FMNL2: variants seen among roughly 807,000 people sequenced by gnomAD.
FMNL2 encodes formin-like protein 2.
Under a neutral mutation model 130.2 loss-of-function variants are expected in FMNL2, and 51 were observed. That is an observed-to-expected ratio of 0.39 (90% confidence interval 0.31 to 0.49). The LOEUF (loss-of-function observed/expected upper bound fraction) is 0.49, where lower values mean the gene tolerates loss of function less well. Among genes scored for constraint, FMNL2 ranks in the 20% least tolerant of loss-of-function variants. FMNL2 has a pLI of 0.85. For missense variants in FMNL2, 977 were observed against 1,316.2 expected, an observed-to-expected ratio of 0.74 and a Z score of 3.99; for synonymous variants, 465 against 467.1, an observed-to-expected ratio of 1.00 and a Z score of 0.06.
intron 1 of FMNL2, among the ~76,000 whole-genome samples, chr2:152,348,911 T>C (rs1405407570): frequency 8.6e-6 from 1 of 116,486 alleles, no homozygotes; most frequent in Admixed American, 8.9e-5. Context: ...CTCGGCTCAC[T>C]GCAAGCTCCG....
chr2:152,368,493 G>A lies in FMNL2; in HGVS notation c.117+32773G>A, dbSNP rs1346333306. Among the ~76,000 whole-genome samples, 2 of 151,520 alleles carry A rather than the reference G, an allele frequency of 1.3e-5. 1 individual carries two copies. Among genetic ancestry groups the A allele is most frequent in the South Asian group, 4.2e-4 (2 of 4,802 alleles). On this transcript the variant is annotated intron_variant, in intron 1 of 25. Coordinates refer to ENST00000288670, the MANE Select transcript of FMNL2 (RefSeq NM_052905.4). ...TTTTTTTTTTTAAGCAGTAAAAATA[G>A]CAACTAATTCTTCCTTGAGGGAACT...
chr2:152,451,985 GC>G (rs2105071546), intron 1 of FMNL2, among the ~76,000 whole-genome samples: 1 of 152,236 alleles, frequency 6.6e-6, no homozygotes, highest in East Asian at 1.9e-4. Flanking sequence ...GGGCTCCCTG[GC>G]CTTGATCTGA....
chr2:152,445,924 C>A (rs1018889565), intron 1 of FMNL2, among the ~76,000 whole-genome samples: 4 of 152,178 alleles, frequency 2.6e-5, no homozygotes, highest in Non-Finnish European at 2.9e-5. Flanking sequence ...CTTCTTTTTT[C>A]CAAAAACATT....
chr2:152,611,918 A>G (rs899403824), intron 11 of FMNL2, among the ~76,000 whole-genome samples: 1 of 152,036 alleles, frequency 6.6e-6, no homozygotes, highest in Non-Finnish European at 1.5e-5. Flanking sequence ...TGCATCCTTC[A>G]TCTGGGCTAT....
At position 152,626,580 on chromosome 2, in the gene FMNL2, C is replaced by G; in HGVS notation, c.2018C>G (p.Ala673Gly). Residue 673 changes from alanine (A) to glycine (G), a missense_variant, in exon 17 of 26, where the codon GCC becomes GGC. This residue lies in a region of FMNL2 where 689 missense variants were observed against 995.9 expected (regional missense o/e 0.69). Coordinates refer to ENST00000288670, the MANE Select transcript of FMNL2 (RefSeq NM_052905.4). ...EIFKTKAQGPAIDLSSSKQKI... is the reference protein window; with the variant it reads ...EIFKTKAQGPGIDLSSSKQKI... ...TTCAAGACAAAAGCCCAAGGACCTGCCATTGATCTTTCTTCAAGCAAACAG... is the reference window on the plus strand; with the variant it reads ...TTCAAGACAAAAGCCCAAGGACCTGGCATTGATCTTTCTTCAAGCAAACAG... 6.2e-7 allele frequency: 1 copy of G among 1,612,310 alleles called. No homozygotes were observed. Among genetic ancestry groups the G allele is most frequent in the East Asian group, 2.2e-5 (1 of 44,840 alleles).
At chr2:152,550,458 T>A (rs1304073655) in intron 4 of FMNL2, among the ~76,000 whole-genome samples, 2 of 152,230 alleles carry the variant, frequency 1.3e-5, no homozygotes, top group Non-Finnish European at 2.9e-5. Context: ...AATTAAGAAT[T>A]GCCTGATGCC....
chr2:152,383,135 G>A (rs1684576480), intron 1 of FMNL2, among the ~76,000 whole-genome samples: 1 of 152,144 alleles, frequency 6.6e-6, no homozygotes, highest in African/African-American at 2.4e-5. Context: ...AAATAGGGCA[G>A]AGAGAGAGGT....
chr2:152,352,142 T>C (rs2105780317), intron 1 of FMNL2, among the ~76,000 whole-genome samples: 1 of 152,290 alleles, frequency 6.6e-6, no homozygotes, highest in Non-Finnish European at 1.5e-5. Flanking sequence ...CAATTCGATA[T>C]CAGAATAAGT....
chr2:152,611,711 C>A, intron 11 of FMNL2, 106 bp downstream of exon 11: 1 of 692,762 alleles, frequency 1.4e-6, no homozygotes. Context: ...AAGCTCTATG[C>A]AGTCAACTAC....
At chr2:152,465,478 A>C (rs1298778999) in intron 1 of FMNL2, among the ~76,000 whole-genome samples, 2 of 152,236 alleles carry the variant, frequency 1.3e-5, no homozygotes, top group African/African-American at 2.4e-5. Flanking sequence ...CATGGAGGGA[A>C]GGGGAGAAAT....
At chr2:152,431,965 TAAA>T (rs60639670) in intron 1 of FMNL2, among the ~76,000 whole-genome samples, 12 of 82,152 alleles carry the variant, frequency 1.5e-4, no homozygotes, top group African/African-American at 3.8e-4. Context: ...ACCCTATCTT[TAAA>T]AAAAAAAAAA....
chr2:152,445,417 T>G (rs993873991), intron 1 of FMNL2, among the ~76,000 whole-genome samples: 1 of 152,236 alleles, frequency 6.6e-6, no homozygotes, highest in East Asian at 1.9e-4. Context: ...AGACCACTAT[T>G]GTCCAATGGA....
At chr2:152,429,321 C>A in intron 1 of FMNL2, among the ~76,000 whole-genome samples, 1 of 152,082 alleles carries the variant, frequency 6.6e-6, no homozygotes. Flanking sequence ...GCCGGTGCCC[C>A]TGCCTTACAT....
chr2:152,560,775 T>G, intron 5 of FMNL2, 108 bp from the exon 6 acceptor site: 2 of 999,744 alleles, frequency 2.0e-6, no homozygotes, highest in Non-Finnish European at 2.7e-6. Flanking sequence ...ACAAAGACTT[T>G]CCATACTAAG....
intron 10 of FMNL2, among the ~76,000 whole-genome samples, chr2:152,608,282 A>G (rs1364438281): frequency 1.3e-5 from 2 of 150,908 alleles, no homozygotes; most frequent in African/African-American, 4.9e-5. Flanking sequence ...TTAGGATGCC[A>G]AGTGAATTTT....
intron 12 of FMNL2, 117 bp downstream of exon 12, chr2:152,615,117 C>T (rs953924874): frequency 6.3e-5 from 68 of 1,086,432 alleles, no homozygotes; most frequent in Non-Finnish European, 8.7e-5. Flanking sequence ...ATAGGCCATA[C>T]CCTGCAAGAG....
At chr2:152,387,303 A>G (rs1045754037) in intron 1 of FMNL2, among the ~76,000 whole-genome samples, 1 of 152,208 alleles carries the variant, frequency 6.6e-6, no homozygotes, top group African/African-American at 2.4e-5. Context: ...CTGTTTCCAC[A>G]GTAGACAGAT....
chr2:152,643,363 A>G lies in FMNL2; in HGVS notation c.3169+2449A>G. On this transcript the variant is annotated intron_variant, in intron 25 of 25. Coordinates refer to ENST00000288670, the MANE Select transcript of FMNL2 (RefSeq NM_052905.4). ...CACTAACCATGTACTAATGCAATAG[A>G]TCTTGGCTTTTTATTCTCTTCTGTT... The G allele has an allele frequency of 1.2e-5, 18 of 1,534,628 alleles. No homozygotes were observed. The South Asian group carries it at 2.1e-4, about 18-fold the overall frequency.
chr2:152,487,201 C>T (rs1690878473), intron 1 of FMNL2, among the ~76,000 whole-genome samples: 1 of 152,218 alleles, frequency 6.6e-6, no homozygotes, highest in South Asian at 2.1e-4. Flanking sequence ...TTTGTGGTCA[C>T]AGCAGTTCTG....
Sources: gnomAD v4.1 joint callset for allele counts (sites outside exome capture counted in the v4.1 genomes callset) on GRCh38, gnomAD v4.1.1 for gene constraint, gnomAD v4.1.1 regional missense constraint, MANE v1.5 for transcripts, NCBI Gene and HGNC (gene_info 2026-07-23, HGNC 2026-07-21) for gene names.